Variants in PCDHGC4 observed in about 807,000 individuals in gnomAD.
PCDHGC4 encodes the protein protocadherin gamma subfamily C, 4.
A neutral mutation model predicts 59.7 loss-of-function variants in PCDHGC4; 15 were observed. The ratio of observed to expected loss-of-function variants is 0.25; its 90% CI spans 0.17 to 0.39. PCDHGC4 has a LOEUF of 0.39. PCDHGC4 is among the 10% of genes least tolerant of loss of function. The probability of loss-of-function intolerance (pLI) is 1.00; values close to 1 mark genes in which losing one functional copy is unlikely to be tolerated. For missense variants in PCDHGC4, 1,016 were observed against 1,189.5 expected (o/e 0.85, Z 2.15); for synonymous variants, 434 against 481.4 (o/e 0.90, Z 1.29).
chr5:141,499,533 G>T (rs2099792525), intron 2 of PCDHGC4, among the ~76,000 whole-genome samples: 1 of 152,086 alleles, frequency 6.6e-6, no homozygotes, highest in African/African-American at 2.4e-5. Flanking sequence ...AGAGAGAATG[G>T]TGTCATGAAC....
chr5:141,511,202 C>T lies in PCDHGC4; in HGVS notation c.*29C>T, dbSNP rs201024828. 2.0e-3 allele frequency: 3,296 copies of T among 1,612,132 alleles called. 7 individuals carry two copies. Among genetic ancestry groups the T allele is most frequent in the Middle Eastern group, 0.013 (77 of 6,006 alleles). On this transcript the variant is annotated 3_prime_UTR_variant, in exon 4 of 4. Coordinates refer to ENST00000306593, the MANE Select transcript of PCDHGC4 (RefSeq NM_018928.3). ...GGAGGCCAGGCCAAGAGCCACAGGG[C>T]GGCCTCTCCCCAACCAGCCCAGCTT...
At position 141,511,940 on chromosome 5, in the gene PCDHGC4, G is replaced by A. The variant is rs2099884015; in HGVS notation, c.*767G>A. 1 of 154,118 alleles carries A rather than the reference G, an allele frequency of 6.5e-6. No homozygotes were observed. The highest frequency in any genetic ancestry group is 1.9e-4 in the East Asian group (1 of 5,214). 9.5% of individuals were successfully genotyped at this position (154,118 alleles called of 1,614,324 possible). ...TCCACTGCATGTTCCAAGACAGTAT[G>A]GGGTGGTAAGATAAGGAAGGGAAGT... On this transcript the variant is annotated 3_prime_UTR_variant, in exon 4 of 4. Coordinates refer to ENST00000306593, the MANE Select transcript of PCDHGC4 (RefSeq NM_018928.3).
chr5:141,492,023 C>A, intron 1 of PCDHGC4: 1 of 564,804 alleles, frequency 1.8e-6, no homozygotes, highest in Non-Finnish European at 3.0e-6. Context: ...TCGGGGGTCC[C>A]GGGAGGAGGC....
intron 1 of PCDHGC4, among the ~76,000 whole-genome samples, chr5:141,488,613 A>C (rs1214413025): frequency 1.3e-5 from 2 of 152,158 alleles, no homozygotes; most frequent in Non-Finnish European, 2.9e-5. Flanking sequence ...GTTCTTACTA[A>C]TCTTTTCTCT....
Position 141,486,814 on chromosome 5 carries a change from C to T in PCDHGC4, c.1641C>T (p.Ser547=), listed in dbSNP as rs1048351154. Residue 547 remains serine (S), a synonymous_variant, in exon 1 of 4, where the codon AGC becomes AGT. Transcript: ENST00000306593. The surrounding 1 kb of genome is among the most constrained non-coding windows in gnomAD (Gnocchi z 5.0). ...ATCGGGGCAACCCACCCCTTAGCAG[C>T]ACTGTAACAGTTCGTCTATTTGTGC... ...ARDRGNPPLS[S]TVTVRLFVLD... 1.2e-6 allele frequency: 2 copies of T among 1,614,122 alleles called. No individual in the cohort carries two copies. Among genetic ancestry groups the T allele is most frequent in the Non-Finnish European group, 1.7e-6 (2 of 1,180,052 alleles).
rs1309124846 is a variant in PCDHGC4, at chr5:141,491,295, T to C, written c.2443-3512T>C. On this transcript the variant is annotated intron_variant, in intron 1 of 3. Coordinates refer to ENST00000306593, the MANE Select transcript of PCDHGC4 (RefSeq NM_018928.3). This position sits in a 1 kb window ranked among gnomAD's most constrained non-coding sequence, Gnocchi z 6.9. ...CCAGTGACTTCCTCATACACCCTCC[T>C]GAGCGTTCAGACCTTACCCTTTACC... The C allele has an allele frequency of 6.2e-7, 1 of 1,614,176 alleles. No homozygotes were observed. Among genetic ancestry groups the C allele is most frequent in the Non-Finnish European group, 8.5e-7 (1 of 1,179,994 alleles).
At position 141,508,878 on chromosome 5, in the gene PCDHGC4, C is replaced by A. The variant is rs189735747; in HGVS notation, c.2591-2069C>A. The stretch of plus-strand genomic sequence containing the variant: ...GGCTGGGAAAGGCTGAAGAGGCTGA[C>A]GGCTGGAGGGGAGGGGGCGGGGCGG... On this transcript the variant is annotated intron_variant, in intron 3 of 3. Transcript: ENST00000306593. Among the ~76,000 whole-genome samples, 561 of 152,074 alleles carry A rather than the reference C, an allele frequency of 3.7e-3. 3 individuals carry two copies. The highest frequency in any genetic ancestry group is 0.012 in the African/African-American group (508 of 41,498).
Position 141,487,125 on chromosome 5 carries a change from G to A in PCDHGC4, c.1952G>A (p.Gly651Asp). 6.2e-7 allele frequency: 1 copy of A among 1,614,112 alleles called. No homozygotes were observed. The highest frequency in any genetic ancestry group is 8.5e-7 in the Non-Finnish European group (1 of 1,179,994). The stretch of plus-strand genomic sequence containing the variant: ...CTGGTCATTGTGGTAAAGGATAGTG[G>A]TAGTCCACCACTCTCTACCTCTGTT... ...QKLVIVVKDSGSPPLSTSVTL... is the reference protein window; with the variant it reads ...QKLVIVVKDSDSPPLSTSVTL... Residue 651 changes from glycine (G) to aspartate (D), a missense_variant, in exon 1 of 4, where the codon GGT becomes GAT. Coordinates refer to ENST00000306593, the MANE Select transcript of PCDHGC4 (RefSeq NM_018928.3). This position sits in a 1 kb window ranked among gnomAD's most constrained non-coding sequence, Gnocchi z 5.0.
intron 3 of PCDHGC4, among the ~76,000 whole-genome samples, chr5:141,509,962 C>A (rs1186902807): frequency 2.0e-5 from 3 of 152,206 alleles, no homozygotes. Context: ...CGGGTATGGC[C>A]TTGGTCCTTC....
At chr5:141,510,518 G>A (rs904482737) in intron 3 of PCDHGC4, among the ~76,000 whole-genome samples, 9 of 152,112 alleles carry the variant, frequency 5.9e-5, no homozygotes, top group Non-Finnish European at 1.0e-4. Flanking sequence ...CCGTGTCACA[G>A]CCCTGAGAGA....
intron 2 of PCDHGC4, among the ~76,000 whole-genome samples, chr5:141,500,410 C>G (rs2099800033): frequency 6.6e-6 from 1 of 151,774 alleles, no homozygotes; most frequent in Non-Finnish European, 1.5e-5. Flanking sequence ...GGGGTTTCAC[C>G]GTGTTAGCCA....
chr5:141,506,380 T>C (rs1209879935), intron 3 of PCDHGC4, among the ~76,000 whole-genome samples: 1 of 141,314 alleles, frequency 7.1e-6, no homozygotes, highest in Non-Finnish European at 1.5e-5. Flanking sequence ...ACCTGGGAGG[T>C]GGCTGTGGTG....
rs761149166 is a variant in PCDHGC4 at position 141,510,977 on chromosome 5, G to C, written c.2621G>C (p.Gly874Ala). Residue 874 changes from glycine to alanine, a missense_variant, in exon 4 of 4, where the codon GGG (glycine) becomes GCG (alanine). Coordinates refer to ENST00000306593, the MANE Select transcript of PCDHGC4 (RefSeq NM_018928.3). Reference protein sequence around the residue: ...EAADGSSTLGGGAGTMGLSAR... With the variant: ...EAADGSSTLGAGAGTMGLSAR... ...GCTGATGGGAGCTCCACCCTGGGAG[G>C]GGGTGCCGGCACCATGGGATTGAGC... 9 of 1,614,052 alleles carry C rather than the reference G, an allele frequency of 5.6e-6. No individual in the cohort carries two copies. The Admixed American group carries it at 1.3e-4, about 24-fold the overall frequency.
chr5:141,486,421 G>A lies in PCDHGC4; in HGVS notation c.1248G>A (p.Glu416=), dbSNP rs772631503. ...TGACTGCTGGACCCTTGGATCGAGA[G>A]GCCAAATCTAGCTATGACATCATGG... The part of the protein sequence containing the change: ...SLVTAGPLDR[E]AKSSYDIMVT... The change falls in exon 1 of 4, where the codon GAG becomes GAA. Residue 416 remains glutamate (E), a synonymous_variant. Coordinates refer to ENST00000306593, the MANE Select transcript of PCDHGC4 (RefSeq NM_018928.3). This position sits in a 1 kb window ranked among gnomAD's most constrained non-coding sequence, Gnocchi z 5.0. 2.5e-6 allele frequency: 4 copies of A among 1,614,152 alleles called. No homozygotes were observed. In the East Asian group the frequency reaches 6.7e-5, roughly 27 times the overall value.
chr5:141,501,288 T>TACAC (rs1562199973), intron 2 of PCDHGC4, among the ~76,000 whole-genome samples: 2 of 81,228 alleles, frequency 2.5e-5, no homozygotes, highest in Admixed American at 1.6e-4. Flanking sequence ...GATATTCCCT[T>TACAC]ATACACACAC....
Position 141,489,493 on chromosome 5 carries a change from G to A in PCDHGC4, c.2442+1878G>A, listed in dbSNP as rs1485293604. ...CCTGAGCTTGATGAGTGGTGCCCTG[G>A]CAGTGAATCAAAAGATTGACCGAGA... On this transcript the variant is annotated intron_variant, in intron 1 of 3. Coordinates refer to ENST00000306593, the MANE Select transcript of PCDHGC4 (RefSeq NM_018928.3). The surrounding 1 kb of genome is among the most constrained non-coding windows in gnomAD (Gnocchi z 4.5). The A allele has an allele frequency of 1.2e-6, 2 of 1,613,960 alleles. No homozygotes were observed. Among genetic ancestry groups the A allele is most frequent in the Non-Finnish European group, 1.7e-6 (2 of 1,180,038 alleles).
In PCDHGC4 at chr5:141,490,949, A is replaced by G. The variant is rs2074912; in HGVS notation, c.2442+3334A>G. On this transcript the variant is annotated intron_variant, in intron 1 of 3. Coordinates refer to ENST00000306593, the MANE Select transcript of PCDHGC4 (RefSeq NM_018928.3). The surrounding 1 kb of genome is among the most constrained non-coding windows in gnomAD (Gnocchi z 5.4). ...CCAGCTGTGCTGCACCCACGGCCAG[A>G]CTGGGAACACTCAGCCCCCCAGCGT... 0.21 allele frequency: 331,850 copies of G among 1,613,352 alleles called. 36,311 individuals carry two copies. The highest frequency in any genetic ancestry group is 0.37 in the Admixed American group (22,349 of 59,972).
intron 3 of PCDHGC4, 56 bp from the exon 4 acceptor site, chr5:141,510,891 G>A (rs945706652): frequency 8.7e-6 from 14 of 1,612,762 alleles, no homozygotes; most frequent in Middle Eastern, 1.6e-4. Flanking sequence ...ATATAAGACA[G>A]TGACTGTTGA....
At chr5:141,499,686 T>C (rs1400567357) in intron 2 of PCDHGC4, among the ~76,000 whole-genome samples, 2 of 149,346 alleles carry the variant, frequency 1.3e-5, no homozygotes, top group East Asian at 2.0e-4. Context: ...CTTTAACAGA[T>C]GACTTTTTTT....
Sources: allele counts gnomAD v4.1 joint callset (sites outside exome capture counted in the v4.1 genomes callset), GRCh38; gene constraint gnomAD v4.1.1; non-coding constraint Gnocchi (gnomAD v3.1); transcripts MANE v1.5; gene names NCBI Gene and HGNC (gene_info 2026-07-23, HGNC 2026-07-21).